The following CAMK1D variants were observed in gnomAD, a reference collection of about 807,000 sequenced individuals.
CAMK1D encodes the protein calcium/calmodulin-dependent protein kinase type 1D.
In CAMK1D, 9 loss-of-function variants were observed where a neutral mutation model predicts 47.7. That is an observed-to-expected ratio of 0.19 (90% CI 0.11 to 0.33). The LOEUF is 0.33. Ranked by LOEUF, CAMK1D falls within the 10% of genes least tolerant of loss-of-function variation. The pLI is 1.00. For missense variants in CAMK1D, 291 were observed against 488.7 expected (o/e 0.60, Z 3.81); for synonymous variants, 184 against 184.9 (o/e 0.99, Z 0.04).
intron 4 of CAMK1D, among the ~76,000 whole-genome samples, chr10:12,766,017 G>A (rs1336921068): frequency 6.9e-6 from 1 of 145,048 alleles, no homozygotes; most frequent in Non-Finnish European, 1.5e-5. Context: ...CCAGACTGGA[G>A]TGCAATGGCG....
At chr10:12,720,886 A>G (rs1336540816) in intron 3 of CAMK1D, among the ~76,000 whole-genome samples, 1 of 152,250 alleles carries the variant, frequency 6.6e-6, no homozygotes, top group Non-Finnish European at 1.5e-5. Context: ...GCCCAAGGAC[A>G]TAAATGAACC....
chr10:12,446,534 C>T (rs551498416), intron 1 of CAMK1D, among the ~76,000 whole-genome samples: 20 of 152,294 alleles, frequency 1.3e-4, no homozygotes, highest in African/African-American at 4.3e-4. Flanking sequence ...CCTCCTGTCT[C>T]ATCCTGTGAC....
At chr10:12,435,495 A>G (rs1832607681) in intron 1 of CAMK1D, among the ~76,000 whole-genome samples, 1 of 152,098 alleles carries the variant, frequency 6.6e-6, no homozygotes, top group Non-Finnish European at 1.5e-5. Flanking sequence ...ACCTCAAGGT[A>G]ATACCGGCGG....
intron 1 of CAMK1D, among the ~76,000 whole-genome samples, chr10:12,437,174 ATCTG>A (rs34589186): frequency 1.1e-4 from 17 of 149,986 alleles, no homozygotes; most frequent in African/African-American, 3.8e-4. Context: ...CTATCTGTCC[ATCTG>A]TCTGTCTGTC....
intron 6 of CAMK1D, among the ~76,000 whole-genome samples, chr10:12,812,211 C>T (rs952285282): frequency 3.9e-5 from 6 of 152,352 alleles, no homozygotes; most frequent in East Asian, 3.9e-4. Flanking sequence ...CGCAGTCCTG[C>T]GCTCTGTTGT....
rs1839950436 is a variant in CAMK1D, at chr10:12,651,129, G to C, written c.225-15607G>C. On this transcript the variant is annotated intron_variant, in intron 2 of 10. Coordinates refer to ENST00000619168, the MANE Select transcript of CAMK1D (RefSeq NM_153498.4). ...TTTCTTTACCCCTCCACTGTTTTCA[G>C]CGTCCTCCCCCTGAGACAAATCATT... Among the ~76,000 whole-genome samples the C allele has an allele frequency of 2.6e-5, 4 of 152,062 alleles. No individual in the cohort carries two copies. In the South Asian group the frequency reaches 8.3e-4, roughly 32 times the overall value.
At chr10:12,461,884 C>T (rs915025205) in intron 1 of CAMK1D, among the ~76,000 whole-genome samples, 1 of 152,026 alleles carries the variant, frequency 6.6e-6, no homozygotes, top group East Asian at 1.9e-4. Flanking sequence ...TTGCTCATCA[C>T]AGAAACCAAA....
At chr10:12,733,035 A>G (rs1834966862) in intron 3 of CAMK1D, among the ~76,000 whole-genome samples, 1 of 152,256 alleles carries the variant, frequency 6.6e-6, no homozygotes, top group Admixed American at 6.5e-5. Context: ...TTCCCAGCAT[A>G]TAGCAATTAC....
intron 2 of CAMK1D, among the ~76,000 whole-genome samples, chr10:12,645,402 A>T (rs1352788891): frequency 6.6e-6 from 1 of 152,176 alleles, no homozygotes; most frequent in Admixed American, 6.5e-5. Context: ...ACAAAGTACA[A>T]ACGTCAAATC....
chr10:12,486,764 G>A (rs565547812), intron 1 of CAMK1D, among the ~76,000 whole-genome samples: 2 of 152,234 alleles, frequency 1.3e-5, no homozygotes, highest in South Asian at 2.1e-4. Flanking sequence ...AGCCCCGAGG[G>A]GCCCACTTTT....
chr10:12,643,669 A>G (rs1239211705), intron 2 of CAMK1D, among the ~76,000 whole-genome samples: 1 of 152,034 alleles, frequency 6.6e-6, no homozygotes, highest in Non-Finnish European at 1.5e-5. Context: ...GGATCACTTG[A>G]GGTCAGGAGT....
intron 1 of CAMK1D, among the ~76,000 whole-genome samples, chr10:12,444,069 G>A (rs986718112): frequency 1.9e-4 from 29 of 152,222 alleles, no homozygotes; most frequent in Non-Finnish European, 3.8e-4. Flanking sequence ...GCTGGCGGGA[G>A]TGTAGCAGTG....
At chr10:12,429,153 C>T (rs1188844595) in intron 1 of CAMK1D, among the ~76,000 whole-genome samples, 1 of 152,178 alleles carries the variant, frequency 6.6e-6, no homozygotes, top group Non-Finnish European at 1.5e-5. Context: ...TCTGGCTTGC[C>T]TTGAGTTCCC....
chr10:12,626,437 A>T (rs1839215851), intron 2 of CAMK1D, among the ~76,000 whole-genome samples: 1 of 151,548 alleles, frequency 6.6e-6, no homozygotes, highest in African/African-American at 2.4e-5. Flanking sequence ...TGAATTCTTT[A>T]CATTGTTTCT....
At chr10:12,417,937 G>A (rs904360462) in intron 1 of CAMK1D, among the ~76,000 whole-genome samples, 1 of 152,196 alleles carries the variant, frequency 6.6e-6, no homozygotes, top group East Asian at 1.9e-4. Context: ...GAATAGCTGG[G>A]ATTACAGGCG....
intron 4 of CAMK1D, among the ~76,000 whole-genome samples, chr10:12,767,062 A>G (rs1352263876): frequency 2.0e-5 from 3 of 152,300 alleles, no homozygotes; most frequent in Admixed American, 2.0e-4. Context: ...TGGCCAGTGA[A>G]TACCCTCACA....
At chr10:12,503,072 A>G (rs937720593) in intron 1 of CAMK1D, among the ~76,000 whole-genome samples, 3 of 152,150 alleles carry the variant, frequency 2.0e-5, no homozygotes, top group African/African-American at 7.2e-5. Context: ...ACGTGTATGT[A>G]TATGTGCATA....
chr10:12,573,462 C>T (rs1193672627), intron 2 of CAMK1D, among the ~76,000 whole-genome samples: 3 of 152,134 alleles, frequency 2.0e-5, no homozygotes, highest in East Asian at 1.9e-4. Flanking sequence ...ACATCATCAT[C>T]GTCTAGATAT....
chr10:12,560,159 G>A (rs547540801), intron 2 of CAMK1D, among the ~76,000 whole-genome samples: 5 of 152,056 alleles, frequency 3.3e-5, no homozygotes, highest in Admixed American at 6.5e-5. Flanking sequence ...CTGCTCCTGC[G>A]GCTTTGTTCT....
Sources: allele counts gnomAD v4.1 joint callset (sites outside exome capture counted in the v4.1 genomes callset), GRCh38; gene constraint gnomAD v4.1.1; transcripts MANE v1.5; gene names NCBI Gene and HGNC (gene_info 2026-07-23, HGNC 2026-07-21).